Variants in DYNC1I2 observed in about 807,000 individuals in gnomAD.
DYNC1I2 encodes the protein dynein cytoplasmic 1 intermediate chain 2.
Under a neutral mutation model 88.6 loss-of-function variants are expected in DYNC1I2, and 53 were observed. The ratio of observed to expected loss-of-function variants is 0.60; its 90% confidence interval spans 0.48 to 0.75. The LOEUF (loss-of-function observed/expected upper bound fraction) is 0.75, where lower values mean the gene tolerates loss of function less well. DYNC1I2 is among the 30% of genes least tolerant of loss of function. The pLI is 0.00. For synonymous variants in DYNC1I2, 198 were observed against 254.6 expected, an observed-to-expected ratio of 0.78 and a Z score of 2.12; for missense variants, 458 against 766.6, an observed-to-expected ratio of 0.60 and a Z score of 4.75.
At chr2:171,707,516 C>T in intron 5 of DYNC1I2, 139 bp downstream of exon 5, 1 of 622,430 alleles carries the variant, frequency 1.6e-6, no homozygotes. Context: ...TAGAAATTCT[C>T]TGTTGGACAC....
In DYNC1I2 at chr2:171,726,883, A is replaced by G; in HGVS notation, c.963A>G (p.Lys321=). The G allele has an allele frequency of 1.2e-6, 2 of 1,611,898 alleles. No individual in the cohort carries two copies. Among genetic ancestry groups the G allele is most frequent in the East Asian group, 4.5e-5 (2 of 44,814 alleles). Reference sequence around the variant, plus strand: ...CCCTTGTATGGAATATGAAATACAAAAAAACTACCCCAGAGTATGTGTTTC... The same window carrying G: ...CCCTTGTATGGAATATGAAATACAAGAAAACTACCCCAGAGTATGTGTTTC... ...GVALVWNMKY[K]KTTPEYVFHC... is the part of the protein sequence containing the mutation. Residue 321 remains lysine (K), a synonymous_variant, in exon 11 of 18, where the codon AAA becomes AAG. Transcript: ENST00000397119.
In DYNC1I2 at chr2:171,727,811, T is replaced by C. The variant is rs375764976; in HGVS notation, c.997-10T>C. The C allele has an allele frequency of 1.4e-4, 229 of 1,607,188 alleles. No individual in the cohort carries two copies. The highest frequency in any genetic ancestry group is 1.9e-4 in the Non-Finnish European group (218 of 1,177,580). ...TGAATCTCAAGTATAAAAATCTTAC[T>C]TATTTGCAGTCAGCTGTGATGTCTG... On this transcript the variant is annotated splice_polypyrimidine_tract_variant and intron_variant, in intron 11 of 17. Coordinates refer to ENST00000397119, the MANE Select transcript of DYNC1I2 (RefSeq NM_001378.3).
At chr2:171,692,676 T>C (rs1574498762) in intron 2 of DYNC1I2, 101 bp from the exon 3 acceptor site, 3 of 722,700 alleles carry the variant, frequency 4.2e-6, no homozygotes, top group Non-Finnish European at 6.8e-6. Flanking sequence ...ACTAAGTTCA[T>C]GCCTTAAAAG....
At position 171,749,215 on chromosome 2, in the gene DYNC1I2, A is replaced by G. The variant is rs900438985; in HGVS notation, c.*1326A>G. 1.3e-5 allele frequency among the ~76,000 whole-genome samples: 2 copies of G among 152,154 alleles called. No homozygotes were observed. Among genetic ancestry groups the G allele is most frequent in the Admixed American group, 1.3e-4 (2 of 15,282 alleles). ...AACTCTGATTCTTGCTGAAGCATCT[A>G]TGAGAAGTGTGATTTTAGCCAAGTC... is the stretch of plus-strand genomic sequence containing the variant. On this transcript the variant is annotated 3_prime_UTR_variant, in exon 18 of 18. Coordinates refer to ENST00000397119, the MANE Select transcript of DYNC1I2 (RefSeq NM_001378.3).
Position 171,707,271 on chromosome 2 carries a change from C to G in DYNC1I2, c.245-16C>G. On this transcript the variant is annotated splice_polypyrimidine_tract_variant and intron_variant, in intron 4 of 17. Transcript: ENST00000397119. ...CCGTGTAGTAACAGCGGATACCTGT[C>G]TATTTCACTATTTAGTCCCTCCTCC... The G allele has an allele frequency of 6.2e-7, 1 of 1,613,748 alleles. No homozygotes were observed. Among genetic ancestry groups the G allele is most frequent in the Non-Finnish European group, 8.5e-7 (1 of 1,179,718 alleles).
chr2:171,733,261 G>C (rs1184258503), intron 15 of DYNC1I2, among the ~76,000 whole-genome samples: 1 of 152,006 alleles, frequency 6.6e-6, no homozygotes, highest in Non-Finnish European at 1.5e-5. Context: ...CATTTAGGCT[G>C]ATTCCATGTC....
intron 3 of DYNC1I2, among the ~76,000 whole-genome samples, chr2:171,697,810 C>T (rs1015536784): frequency 2.0e-5 from 3 of 151,994 alleles, no homozygotes; most frequent in Non-Finnish European, 2.9e-5. Context: ...GCCATGATCG[C>T]ACTACTGAAC....
intron 6 of DYNC1I2, among the ~76,000 whole-genome samples, chr2:171,713,705 A>C (rs1280112736): frequency 2.0e-5 from 3 of 152,124 alleles, no homozygotes; most frequent in Non-Finnish European, 4.4e-5. Context: ...TCCCCTGATA[A>C]TTTACAGCTT....
At chr2:171,704,072 A>G (rs1686481159) in intron 3 of DYNC1I2, among the ~76,000 whole-genome samples, 1 of 152,114 alleles carries the variant, frequency 6.6e-6, no homozygotes. Context: ...TGCCCTTGAG[A>G]CTTCTGTGTA....
chr2:171,721,247 A>G (rs1687884970), intron 7 of DYNC1I2, among the ~76,000 whole-genome samples: 1 of 152,108 alleles, frequency 6.6e-6, no homozygotes, highest in South Asian at 2.1e-4. Flanking sequence ...TCTGTATTGA[A>G]ATCATTAATG....
At position 171,717,453 on chromosome 2, in the gene DYNC1I2, G is replaced by T. The variant is rs547860350; in HGVS notation, c.511+2010G>T. Among the ~76,000 whole-genome samples the T allele has an allele frequency of 3.9e-5, 6 of 152,038 alleles. No homozygotes were observed. The South Asian group carries it at 1.2e-3, about 32-fold the overall frequency. On this transcript the variant is annotated intron_variant, in intron 7 of 17. Transcript: ENST00000397119. Reference sequence around the variant, plus strand: ...TTTTACTTGACCATGTAGATGTTCTGTATGTTCATTTTTTTCATTCCTGCT... The same window carrying T: ...TTTTACTTGACCATGTAGATGTTCTTTATGTTCATTTTTTTCATTCCTGCT...
At chr2:171,712,870 G>C in intron 6 of DYNC1I2, 44 bp downstream of exon 6, 1 of 1,507,170 alleles carries the variant, frequency 6.6e-7, no homozygotes, top group Non-Finnish European at 9.2e-7. Context: ...TAATGAATTT[G>C]ATTCTTTGTG....
chr2:171,704,443 G>A (rs146631985), intron 3 of DYNC1I2, among the ~76,000 whole-genome samples: 77 of 148,950 alleles, frequency 5.2e-4, no homozygotes, highest in African/African-American at 1.7e-3. Flanking sequence ...ATTCACCTAT[G>A]TTTATATTAA....
chr2:171,692,685 A>G, intron 2 of DYNC1I2, 92 bp from the exon 3 acceptor site: 1 of 798,316 alleles, frequency 1.3e-6, no homozygotes, highest in Non-Finnish European at 2.0e-6. Flanking sequence ...ATGCCTTAAA[A>G]GTATACAGTG....
chr2:171,695,322 A>G (rs1308342134), intron 3 of DYNC1I2, among the ~76,000 whole-genome samples: 8 of 152,100 alleles, frequency 5.3e-5, no homozygotes, highest in Non-Finnish European at 1.5e-5. Context: ...GCTGGTCTCG[A>G]ACTCCTGACC....
At chr2:171,731,372 T>A (rs1333052374) in intron 15 of DYNC1I2, among the ~76,000 whole-genome samples, 1 of 152,176 alleles carries the variant, frequency 6.6e-6, no homozygotes. Context: ...CATTGGAGCA[T>A]GGATTTTTGG....
intron 15 of DYNC1I2, among the ~76,000 whole-genome samples, chr2:171,738,218 G>A (rs1185591504): frequency 6.6e-6 from 1 of 152,002 alleles, no homozygotes; most frequent in African/African-American, 2.4e-5. Flanking sequence ...TGTAATCCCA[G>A]CTACTCGGGA....
Position 171,687,638 on chromosome 2 carries a change from G to A in DYNC1I2, c.-10+11G>A, listed in dbSNP as rs1685058614. The A allele has an allele frequency of 6.6e-6, 1 of 152,270 alleles. No homozygotes were observed. The highest frequency in any genetic ancestry group is 2.4e-5 in the African/African-American group (1 of 41,436). 9.4% of individuals were successfully genotyped at this position (152,270 alleles called of 1,614,324 possible). ...TCTGCTTTACGACAGGTAAGTCACGGAGGGGCTACAATTCCTCGCAGCAGG... is the reference window on the plus strand; with the variant it reads ...TCTGCTTTACGACAGGTAAGTCACGAAGGGGCTACAATTCCTCGCAGCAGG... On this transcript the variant is annotated intron_variant, in intron 1 of 17. Coordinates refer to ENST00000397119, the MANE Select transcript of DYNC1I2 (RefSeq NM_001378.3).
Position 171,725,869 on chromosome 2 carries a change from C to G in DYNC1I2, c.608-50C>G, listed in dbSNP as rs757116861. 7 of 1,482,904 alleles carry G rather than the reference C, an allele frequency of 4.7e-6. No homozygotes were observed. The African/African-American group carries it at 9.9e-5, about 21-fold the overall frequency. 91.9% of individuals were successfully genotyped at this position (1,482,904 alleles called of 1,614,324 possible). On this transcript the variant is annotated intron_variant, in intron 8 of 17. Coordinates refer to ENST00000397119, the MANE Select transcript of DYNC1I2 (RefSeq NM_001378.3). ...GATCCATACTGTGATAGTGAGTTGA[C>G]GTGATTTGCCTGACATAAATCATAC...
Sources: gnomAD v4.1 joint callset for allele counts (sites outside exome capture counted in the v4.1 genomes callset) on GRCh38, gnomAD v4.1.1 for gene constraint, MANE v1.5 for transcripts, NCBI Gene and HGNC (gene_info 2026-07-23, HGNC 2026-07-21) for gene names.